Variants in AKAP13 observed in about 807,000 individuals in gnomAD.
AKAP13 encodes A-kinase anchor protein 13.
A neutral mutation model predicts 264.5 loss-of-function variants in AKAP13; 80 were observed. The ratio of observed to expected loss-of-function variants is 0.30; its 90% confidence interval spans 0.25 to 0.36. The LOEUF is 0.36. AKAP13 is among the 10% of genes least tolerant of loss of function. The pLI is 1.00. For synonymous variants in AKAP13, 1,380 were observed against 1,250.2 expected, an observed-to-expected ratio of 1.10 and a Z score of -2.19; for missense variants, 3,712 against 3,435.2, an observed-to-expected ratio of 1.08 and a Z score of -2.01.
At position 85,580,958 on chromosome 15, in the gene AKAP13, C is replaced by A. The variant is rs1489532946; in HGVS notation, c.2890C>A (p.His964Asn). 1.2e-6 allele frequency: 2 copies of A among 1,614,146 alleles called. No homozygotes were observed. Among genetic ancestry groups the A allele is most frequent in the South Asian group, 2.2e-5 (2 of 91,086 alleles). ...TCCTGGACAAGATACTCAACAATTT[C>A]ATGAAAAATCAATCTCAGCTGACTG... ...PPPGQDTQQF[H>N]EKSISADCAK... is the part of the protein sequence containing the mutation. Residue 964 changes from histidine to asparagine, a missense_variant, in exon 7 of 37, where the codon CAT becomes AAT. Coordinates refer to ENST00000394518, the MANE Select transcript of AKAP13 (RefSeq NM_007200.5).
At chr15:85,521,632 C>T (rs1012743447) in intron 3 of AKAP13, 57 bp downstream of exon 3, 22 of 1,567,208 alleles carry the variant, frequency 1.4e-5, no homozygotes, top group Middle Eastern at 1.7e-4. Flanking sequence ...CCCTTTTATT[C>T]GATGTTTATG....
intron 14 of AKAP13, among the ~76,000 whole-genome samples, chr15:85,672,950 G>A (rs1354282144): frequency 6.6e-6 from 1 of 152,200 alleles, no homozygotes; most frequent in African/African-American, 2.4e-5. Context: ...TTTATTATGA[G>A]TGTGCTTGTT....
intron 1 of AKAP13, among the ~76,000 whole-genome samples, chr15:85,389,357 C>T (rs903657713): frequency 2.0e-5 from 3 of 152,202 alleles, no homozygotes; most frequent in African/African-American, 2.4e-5. Context: ...GAAGGTACCT[C>T]CAGCCAGAAA....
chr15:85,508,541 G>A (rs1020445081), intron 2 of AKAP13, among the ~76,000 whole-genome samples: 2 of 151,986 alleles, frequency 1.3e-5, no homozygotes, highest in Non-Finnish European at 2.9e-5. Flanking sequence ...GTCCTCTATC[G>A]TGTTTCATCT....
chr15:85,466,311 C>T (rs1033815785), intron 1 of AKAP13, among the ~76,000 whole-genome samples: 3 of 152,078 alleles, frequency 2.0e-5, no homozygotes, highest in Admixed American at 6.6e-5. Flanking sequence ...GTTGCCTGTT[C>T]ACTCTGATGG....
chr15:85,560,025 A>C (rs2078302964), intron 5 of AKAP13, among the ~76,000 whole-genome samples: 1 of 150,154 alleles, frequency 6.7e-6, no homozygotes, highest in South Asian at 2.1e-4. Context: ...TCTACTGTGA[A>C]CTAAATATAA....
intron 1 of AKAP13, among the ~76,000 whole-genome samples, chr15:85,405,576 C>T (rs567005882): frequency 8.5e-5 from 13 of 152,266 alleles, no homozygotes; most frequent in Middle Eastern, 3.4e-3. Flanking sequence ...TATTCACTAA[C>T]CTGTGAAGAT....
rs370015738 is a variant in AKAP13, at chr15:85,536,214, C to T, written c.478+2334C>T. 367 of 152,238 alleles carry T rather than the reference C, an allele frequency of 2.4e-3. 3 individuals are homozygous for T. The highest frequency in any genetic ancestry group is 8.4e-3 in the African/African-American group (348 of 41,544). 9.4% of individuals were successfully genotyped at this position (152,238 alleles called of 1,614,324 possible). ...GTAAATTTTCTGTTGCACAAAATTG[C>T]TCAAGCAGTGCTAACAAAGGCCAAA... is the stretch of plus-strand genomic sequence containing the variant. On this transcript the variant is annotated intron_variant, in intron 4 of 36. Transcript: ENST00000394518.
chr15:85,587,835 A>G (rs1023749251), intron 8 of AKAP13, among the ~76,000 whole-genome samples: 20 of 152,150 alleles, frequency 1.3e-4, no homozygotes, highest in Admixed American at 5.2e-4. Flanking sequence ...TTTAGTAGAG[A>G]TGGGGTTTTG....
At chr15:85,612,417 G>T (rs201919698) in intron 8 of AKAP13, among the ~76,000 whole-genome samples, 1 of 152,070 alleles carries the variant, frequency 6.6e-6, no homozygotes, top group Non-Finnish European at 1.5e-5. Flanking sequence ...TGGTGGTTTT[G>T]TCTGAATCAC....
intron 5 of AKAP13, among the ~76,000 whole-genome samples, chr15:85,560,013 G>A (rs989248349): frequency 6.6e-6 from 1 of 151,396 alleles, no homozygotes; most frequent in Admixed American, 6.6e-5. Context: ...TGTTGGTGTT[G>A]GTCTACTGTG....
chr15:85,681,907 CT>C (rs1434183618), intron 14 of AKAP13, among the ~76,000 whole-genome samples: 1 of 152,028 alleles, frequency 6.6e-6, no homozygotes, highest in African/African-American at 2.4e-5. Flanking sequence ...TATTTGGAGT[CT>C]TTTTAGTTAC....
intron 1 of AKAP13, among the ~76,000 whole-genome samples, chr15:85,469,389 G>A (rs1164887082): frequency 1.3e-5 from 2 of 152,130 alleles, no homozygotes; most frequent in East Asian, 3.9e-4. Flanking sequence ...ACTATTGGGT[G>A]TTCCTGTCAG....
chr15:85,499,753 C>T (rs555520195), intron 2 of AKAP13, among the ~76,000 whole-genome samples: 1 of 152,212 alleles, frequency 6.6e-6, no homozygotes, highest in South Asian at 2.1e-4. Context: ...GAGCTTTCAT[C>T]CTCCTGTGGA....
At position 85,645,860 on chromosome 15, in the gene AKAP13, C is replaced by T. The variant is rs772240234; in HGVS notation, c.4280C>T (p.Thr1427Ile). ...GATGTTGGACTGGGCAGAGAGTGTACCTCAAAACAAGGTGTACTTAAAAGA... is the reference window on the plus strand; with the variant it reads ...GATGTTGGACTGGGCAGAGAGTGTATCTCAAAACAAGGTGTACTTAAAAGA... ...FLDVGLGREC[T>I]SKQGVLKRES... Residue 1427 changes from threonine to isoleucine, a missense_variant, in exon 10 of 37, where the codon ACC becomes ATC. Physicochemically the swap from Thr to Ile is moderately conservative, Grantham distance 89 (BLOSUM62 -1). Coordinates refer to ENST00000394518, the MANE Select transcript of AKAP13 (RefSeq NM_007200.5). 1.9e-5 allele frequency: 31 copies of T among 1,609,174 alleles called. No homozygotes were observed. The South Asian group carries it at 3.2e-4, about 17-fold the overall frequency.
At chr15:85,626,125 C>T (rs2081398827) in intron 8 of AKAP13, among the ~76,000 whole-genome samples, 1 of 152,180 alleles carries the variant, frequency 6.6e-6, no homozygotes, top group Admixed American at 6.5e-5. Flanking sequence ...ATGACATTGA[C>T]CATGATTGGT....
intron 36 of AKAP13, chr15:85,744,284 A>G: frequency 1.6e-5 from 5 of 316,180 alleles, no homozygotes; most frequent in Non-Finnish European, 1.8e-5. Flanking sequence ...GCTGAATTCC[A>G]CTAAATGCCT....
Position 85,736,087 on chromosome 15 carries a change from T to C in AKAP13, c.7513-3T>C. On this transcript the variant is annotated splice_region_variant and splice_polypyrimidine_tract_variant and intron_variant, in intron 32 of 36. Coordinates refer to ENST00000394518, the MANE Select transcript of AKAP13 (RefSeq NM_007200.5). ...TTTTATATGTATGTTTTTTGTTTTATAGGGTGGAAATGCTAACCTGGTATT... is the reference window on the plus strand; with the variant it reads ...TTTTATATGTATGTTTTTTGTTTTACAGGGTGGAAATGCTAACCTGGTATT... 1 of 1,601,804 alleles carries C rather than the reference T, an allele frequency of 6.2e-7. No individual in the cohort carries two copies. Among genetic ancestry groups the C allele is most frequent in the Non-Finnish European group, 8.6e-7 (1 of 1,169,188 alleles).
chr15:85,560,125 A>C (rs12591341), intron 5 of AKAP13, among the ~76,000 whole-genome samples: 7 of 64,178 alleles, frequency 1.1e-4, no homozygotes, highest in Admixed American at 2.4e-4. Flanking sequence ...TGCTGTCTCC[A>C]CCTAAAAAAA....
Sources: allele counts gnomAD v4.1 joint callset (sites outside exome capture counted in the v4.1 genomes callset), GRCh38; gene constraint gnomAD v4.1.1; transcripts MANE v1.5; gene names NCBI Gene and HGNC (gene_info 2026-07-23, HGNC 2026-07-21).